The following ADD1 variants were observed in gnomAD, a reference collection of about 807,000 sequenced individuals.
ADD1 encodes the protein alpha-adducin.
ADD1 carries 24 observed loss-of-function variants against 80.5 expected under a neutral mutation model. That is an observed-to-expected ratio of 0.30 (90% CI 0.22 to 0.42). The LOEUF is 0.42. Among genes scored for constraint, ADD1 ranks in the 10% least tolerant of loss-of-function variants. The pLI is 1.00. For missense variants in ADD1, 948 were observed against 1,019.0 expected (o/e 0.93, Z 0.95); for synonymous variants, 373 against 393.8 (o/e 0.95, Z 0.63).
At chr4:2,907,579 C>A in intron 10 of ADD1, 164 bp from the exon 11 acceptor site, 1 of 624,976 alleles carries the variant, frequency 1.6e-6, no homozygotes, top group Non-Finnish European at 2.9e-6. Flanking sequence ...CATCCTGCTC[C>A]CATGGCGACT....
In ADD1 at chr4:2,891,731, A is replaced by C. The variant is rs571907286; in HGVS notation, c.511-2282A>C. Among the ~76,000 whole-genome samples, 5 of 152,334 alleles carry C rather than the reference A, an allele frequency of 3.3e-5. No homozygotes were observed. In the East Asian group the frequency reaches 9.6e-4, roughly 29 times the overall value. On this transcript the variant is annotated intron_variant, in intron 4 of 15. Transcript: ENST00000683351. ...AGGAGCTCAGGGTGCCCAGAACACC[A>C]TAGCCAGTTCTTGGCAGAGCTAGGA...
chr4:2,889,512 A>C (rs920974991), intron 4 of ADD1, among the ~76,000 whole-genome samples: 1 of 152,176 alleles, frequency 6.6e-6, no homozygotes, highest in South Asian at 2.1e-4. Flanking sequence ...AAAGTAGACA[A>C]ACTTTTTCCT....
At chr4:2,844,272 A>C (rs1191130991) in intron 1 of ADD1, 1 of 151,632 alleles carries the variant, frequency 6.6e-6, no homozygotes, top group Admixed American at 6.6e-5. Context: ...GACCCCGGGG[A>C]CTAGGCTTTT....
chr4:2,851,113 T>C (rs1727009188), intron 1 of ADD1, among the ~76,000 whole-genome samples: 1 of 152,160 alleles, frequency 6.6e-6, no homozygotes. Flanking sequence ...AGTGGTATAA[T>C]CATAGCTGAC....
Position 2,908,613 on chromosome 4 carries a change from C to G in ADD1, c.1698+9C>G. 1.2e-6 allele frequency: 2 copies of G among 1,612,782 alleles called. No individual in the cohort carries two copies. Among genetic ancestry groups the G allele is most frequent in the Non-Finnish European group, 1.7e-6 (2 of 1,178,788 alleles). ...ACAGGAGCCTCGTCCAGGTGAGAGC[C>G]CAGAGTGTCTCTGACTTTAGTGGGT... is the stretch of plus-strand genomic sequence containing the variant. On this transcript the variant is annotated intron_variant, in intron 12 of 15. Coordinates refer to ENST00000683351, the MANE Select transcript of ADD1 (RefSeq NM_001354761.2).
intron 1 of ADD1, among the ~76,000 whole-genome samples, chr4:2,861,535 G>A (rs949960519): frequency 1.3e-5 from 2 of 152,152 alleles, no homozygotes; most frequent in Non-Finnish European, 2.9e-5. Context: ...TGTTTTGTTG[G>A]CATTTGGACA....
At chr4:2,914,829 GGA>G (rs1401837187) in intron 13 of ADD1, 53 bp from the exon 14 acceptor site, 4 of 1,534,124 alleles carry the variant, frequency 2.6e-6, no homozygotes, top group Non-Finnish European at 3.5e-6. Flanking sequence ...CTGGGAGGAG[GGA>G]GAGTCCCCAT....
intron 9 of ADD1, chr4:2,899,898 G>A (rs1051712481): frequency 1.7e-4 from 48 of 279,042 alleles, no homozygotes; most frequent in African/African-American, 1.1e-3. Flanking sequence ...GCTGCTTATT[G>A]CAGGGACACA....
rs539651254 is a variant in ADD1 at position 2,909,378 on chromosome 4, C to T, written c.1738C>T (p.Leu580Phe). The T allele has an allele frequency of 6.4e-7, 1 of 1,550,526 alleles. No homozygotes were observed. Among genetic ancestry groups the T allele is most frequent in the African/African-American group, 1.4e-5 (1 of 73,134 alleles). ...LSDCTETIEG[L>F]ELTEQTFSPA... ...TGACTGTACGGAAACTATCGAAGGGCTCGAGCTTACAGAGCAGACCTTTAG... is the reference window on the plus strand; with the variant it reads ...TGACTGTACGGAAACTATCGAAGGGTTCGAGCTTACAGAGCAGACCTTTAG... Residue 580 changes from leucine (L) to phenylalanine (F), a missense_variant, in exon 13 of 16, where the codon CTC becomes TTC. Leu to Phe is a conservative substitution (Grantham distance 22). Coordinates refer to ENST00000683351, the MANE Select transcript of ADD1 (RefSeq NM_001354761.2).
chr4:2,906,398 A>G (rs894376753), intron 10 of ADD1, among the ~76,000 whole-genome samples: 1 of 152,054 alleles, frequency 6.6e-6, no homozygotes, highest in Non-Finnish European at 1.5e-5. Flanking sequence ...TAAAACAAAA[A>G]AAAAAAACCC....
intron 1 of ADD1, among the ~76,000 whole-genome samples, chr4:2,866,089 T>A (rs1729499963): frequency 6.6e-6 from 1 of 152,256 alleles, no homozygotes; most frequent in African/African-American, 2.4e-5. Flanking sequence ...GTCTGCTTTG[T>A]GGAATTTCTT....
At position 2,849,931 on chromosome 4, in the gene ADD1, A is replaced by G. The variant is rs560974431; in HGVS notation, c.-21+5907A>G. On this transcript the variant is annotated intron_variant, in intron 1 of 15. Transcript: ENST00000683351. ...GGAAAATTAAGTAGCCATGTAATAC[A>G]TGAAAGAGAGAATGTTGTGAAAACA... Among the ~76,000 whole-genome samples, 6 of 152,374 alleles carry G rather than the reference A, an allele frequency of 3.9e-5. No individual in the cohort carries two copies. In the East Asian group the frequency reaches 7.7e-4, roughly 20 times the overall value.
rs749189389 is a variant in ADD1 at position 2,875,876 on chromosome 4, C to CT, written c.-20-16dup. The CT allele has an allele frequency of 3.3e-6, 5 of 1,520,498 alleles. 1 individual carries two copies. The South Asian group carries it at 6.5e-5, about 20-fold the overall frequency. 94.2% of individuals were successfully genotyped at this position (1,520,498 alleles called of 1,614,324 possible). On this transcript the variant is annotated intron_variant, in intron 1 of 15. Coordinates refer to ENST00000683351, the MANE Select transcript of ADD1 (RefSeq NM_001354761.2). ...GACATTGATTTGAAAACAATAATTT[C>CT]TTTTATTTTGATTCTGTAGGAACCT...
chr4:2,878,550 G>A (rs772730144), intron 2 of ADD1, among the ~76,000 whole-genome samples: 1 of 152,200 alleles, frequency 6.6e-6, no homozygotes, highest in Non-Finnish European at 1.5e-5. Flanking sequence ...ATAGCACCTA[G>A]TGTGTGCCAG....
chr4:2,899,365 C>T lies in ADD1; in HGVS notation c.1091C>T (p.Thr364Ile). ...CCAGGGTCTCCGGTAGGGGAAGGCACTGGATCGCCTCCCAAGTGGCAGATT... is the reference window on the plus strand; with the variant it reads ...CCAGGGTCTCCGGTAGGGGAAGGCATTGGATCGCCTCCCAAGTGGCAGATT... ...RSPGSPVGEG[T>I]GSPPKWQIGE... The change falls in exon 9 of 16, where the codon ACT becomes ATT. Residue 364 changes from threonine to isoleucine, a missense_variant. By Grantham distance (89) the Thr-to-Ile change is moderately conservative. Transcript: ENST00000683351. The T allele has an allele frequency of 6.2e-7, 1 of 1,614,228 alleles. No individual in the cohort carries two copies. The highest frequency in any genetic ancestry group is 8.5e-7 in the Non-Finnish European group (1 of 1,180,042).
Position 2,926,333 on chromosome 4 carries a change from C to A in ADD1, c.2047+221C>A. On this transcript the variant is annotated intron_variant, in intron 15 of 15. Coordinates refer to ENST00000683351, the MANE Select transcript of ADD1 (RefSeq NM_001354761.2). This position sits in a 1 kb window ranked among gnomAD's most constrained non-coding sequence, Gnocchi z 5.0. The stretch of plus-strand genomic sequence containing the variant: ...TGTGACCAGGTAGGAAGGCCGGCCT[C>A]GGGGGTCGGAACCCACCATGGTTGC... 1.4e-6 allele frequency: 1 copy of A among 706,428 alleles called. No homozygotes were observed. The allele number at this position is 706,428 out of a possible 1,614,324, so 43.8% of individuals were successfully genotyped here. A position where few individuals can be genotyped will look rare whatever the true frequency, so the allele number is the denominator to read the frequency against.
At chr4:2,911,053 T>C (rs1314957491) in intron 13 of ADD1, among the ~76,000 whole-genome samples, 1 of 152,200 alleles carries the variant, frequency 6.6e-6, no homozygotes, top group Admixed American at 6.5e-5. Context: ...CTTCCTTTCA[T>C]GTGAACCTCA....
At chr4:2,857,522 C>T (rs185493782) in intron 1 of ADD1, among the ~76,000 whole-genome samples, 1 of 152,168 alleles carries the variant, frequency 6.6e-6, no homozygotes, top group Admixed American at 6.5e-5. Context: ...GTGGGAGGAT[C>T]ACTTGAGCTC....
chr4:2,885,828 T>TA (rs1733226344), intron 4 of ADD1, among the ~76,000 whole-genome samples: 1 of 152,080 alleles, frequency 6.6e-6, no homozygotes, highest in Non-Finnish European at 1.5e-5. Flanking sequence ...GCCAGGATGG[T>TA]CTCGATCTCC....
Sources: allele counts gnomAD v4.1 joint callset (sites outside exome capture counted in the v4.1 genomes callset), GRCh38; gene constraint gnomAD v4.1.1; non-coding constraint Gnocchi (gnomAD v3.1); transcripts MANE v1.5; gene names NCBI Gene and HGNC (gene_info 2026-07-23, HGNC 2026-07-21).